ACSF2: variants seen among roughly 807,000 people sequenced by gnomAD.
ACSF2 encodes acyl-CoA synthetase family member 2.
ACSF2 carries 52 observed loss-of-function variants against 79.3 expected under a neutral mutation model. The ratio of observed to expected loss-of-function variants is 0.66; its 90% CI spans 0.53 to 0.83. ACSF2 has a LOEUF of 0.83. ACSF2 is among the 40% of genes least tolerant of loss of function. The pLI is 0.00. For missense variants in ACSF2, 661 were observed against 803.3 expected (o/e 0.82, Z 2.14); for synonymous variants, 283 against 312.6 (o/e 0.91, Z 1.00).
chr17:50,442,344 T>A (rs1002461647), intron 1 of ACSF2, among the ~76,000 whole-genome samples: 1 of 103,878 alleles, frequency 9.6e-6, no homozygotes, highest in Admixed American at 9.7e-5. Flanking sequence ...TTTTTTTTTT[T>A]GTAGAGACTG....
intron 1 of ACSF2, among the ~76,000 whole-genome samples, chr17:50,435,195 G>A (rs1375923182): frequency 6.6e-6 from 1 of 152,132 alleles, no homozygotes; most frequent in African/African-American, 2.4e-5. Flanking sequence ...TTGCTCAGAA[G>A]CCAAGGAGTG....
chr17:50,449,663 C>T lies in ACSF2; in HGVS notation c.129-11014C>T, dbSNP rs184593583. Reference sequence around the variant, plus strand: ...TCTCCTGACCTCATGATCCACCCGCCTCGGCCTCCCAAAGTGCTCGGATTA... The same window carrying T: ...TCTCCTGACCTCATGATCCACCCGCTTCGGCCTCCCAAAGTGCTCGGATTA... On this transcript the variant is annotated intron_variant, in intron 1 of 15. Coordinates refer to ENST00000300441, the MANE Select transcript of ACSF2 (RefSeq NM_025149.6). Among the ~76,000 whole-genome samples the T allele has an allele frequency of 3.1e-3, 471 of 152,074 alleles. 5 individuals carry two copies. Among genetic ancestry groups the T allele is most frequent in the Non-Finnish European group, 3.0e-3 (206 of 67,986 alleles).
At chr17:50,449,265 C>T (rs2031504709) in intron 1 of ACSF2, among the ~76,000 whole-genome samples, 1 of 151,996 alleles carries the variant, frequency 6.6e-6, no homozygotes, top group East Asian at 1.9e-4. Context: ...AATCTGCCTC[C>T]CTCGGCCTCC....
In ACSF2 at chr17:50,445,974, T is replaced by C. The variant is rs79427900; in HGVS notation, c.129-14703T>C. 2.7e-3 allele frequency among the ~76,000 whole-genome samples: 409 copies of C among 152,300 alleles called. 2 individuals carry two copies. The highest frequency in any genetic ancestry group is 9.6e-3 in the African/African-American group (397 of 41,558). ...CAGGTTGGCAGGGCTAACAGTCACA[T>C]TGTACCATGACTGTCCAGAAAACAC... On this transcript the variant is annotated intron_variant, in intron 1 of 15. Coordinates refer to ENST00000300441, the MANE Select transcript of ACSF2 (RefSeq NM_025149.6).
rs548069190 is a variant in ACSF2, at chr17:50,463,031, G to A, written c.793-125G>A. 6.3e-6 allele frequency: 5 copies of A among 798,238 alleles called. No homozygotes were observed. Among genetic ancestry groups the A allele is most frequent in the South Asian group, 4.9e-5 (3 of 61,174 alleles). 49.4% of individuals were successfully genotyped at this position (798,238 alleles called of 1,614,324 possible). On this transcript the variant is annotated intron_variant, in intron 6 of 15. Coordinates refer to ENST00000300441, the MANE Select transcript of ACSF2 (RefSeq NM_025149.6). The surrounding 1 kb of genome is among the most constrained non-coding windows in gnomAD (Gnocchi z 4.6). ...GTGGTAGACCTTTTGCAAATATACT[G>A]AACAGATGGATCTGGGGCAACAATC...
intron 1 of ACSF2, chr17:50,427,016 G>C: frequency 6.5e-7 from 1 of 1,532,834 alleles, no homozygotes; most frequent in Non-Finnish European, 8.7e-7. Flanking sequence ...ACCAGTCCTT[G>C]GGAGGACCCC....
chr17:50,462,390 C>G (rs770590610), intron 5 of ACSF2, 30 bp from the exon 6 acceptor site: 1 of 1,611,882 alleles, frequency 6.2e-7, no homozygotes. Context: ...TCCCTCAGCC[C>G]CTGTCTCTCA....
intron 1 of ACSF2, among the ~76,000 whole-genome samples, chr17:50,441,821 T>C (rs1372930020): frequency 6.6e-6 from 1 of 151,646 alleles, no homozygotes; most frequent in East Asian, 1.9e-4. Flanking sequence ...TGTGTCTTTA[T>C]TTATTTATTT....
chr17:50,460,993 C>T, intron 2 of ACSF2, 121 bp downstream of exon 2: 1 of 1,259,902 alleles, frequency 7.9e-7, no homozygotes, highest in Non-Finnish European at 1.1e-6. Context: ...TGCCAGAGAA[C>T]CCCGAGGGAT....
Position 50,474,219 on chromosome 17 carries a change from G to A in ACSF2, c.1749G>A (p.Pro583=), listed in dbSNP as rs1407971598. 22 of 1,614,190 alleles carry A rather than the reference G, an allele frequency of 1.4e-5. No homozygotes were observed. Among genetic ancestry groups the A allele is most frequent in the East Asian group, 4.5e-5 (2 of 44,870 alleles). The stretch of plus-strand genomic sequence containing the variant: ...TGCAGATCTCTCACTTCAAGATTCC[G>A]AAGTACATCGTGTTTGTCACAAACT... The part of the protein sequence containing the change: ...CKGKISHFKI[P]KYIVFVTNYP... Residue 583 remains proline, a synonymous_variant, in exon 15 of 16, where the codon CCG becomes CCA. Coordinates refer to ENST00000300441, the MANE Select transcript of ACSF2 (RefSeq NM_025149.6). The surrounding 1 kb of genome is among the most constrained non-coding windows in gnomAD (Gnocchi z 4.2).
intron 1 of ACSF2, among the ~76,000 whole-genome samples, chr17:50,456,067 G>A (rs913036657): frequency 6.6e-6 from 1 of 152,216 alleles, no homozygotes; most frequent in African/African-American, 2.4e-5. Flanking sequence ...GAAGATATAC[G>A]TGGTCTTCCC....
intron 10 of ACSF2, chr17:50,465,148 C>A: frequency 1.1e-6 from 1 of 886,776 alleles, no homozygotes; most frequent in Non-Finnish European, 1.7e-6. Flanking sequence ...CTCCCTTCAA[C>A]AGGGGACCCA....
At position 50,465,710 on chromosome 17, in the gene ACSF2, C is replaced by T. The variant is rs35218093; in HGVS notation, c.1215+1416C>T. 8 of 1,612,990 alleles carry T rather than the reference C, an allele frequency of 5.0e-6. No homozygotes were observed. In the East Asian group the frequency reaches 8.9e-5, roughly 18 times the overall value. ...AGTGACATGGAAGTGTTCTTACCGC[C>T]GAAGGCCCCGGAGCTGGCAGGTACA... On this transcript the variant is annotated intron_variant, in intron 10 of 15. Transcript: ENST00000300441.
At chr17:50,467,930 G>A in intron 10 of ACSF2, 1 of 1,162,592 alleles carries the variant, frequency 8.6e-7, no homozygotes, top group South Asian at 1.6e-5. Context: ...GAGATAGCCA[G>A]AGGGACAGGG....
At chr17:50,460,443 G>A (rs2032261077) in intron 1 of ACSF2, 1 of 565,112 alleles carries the variant, frequency 1.8e-6, no homozygotes, top group African/African-American at 1.9e-5. Flanking sequence ...GGCGAAGGAG[G>A]GCCCTTTGCT....
intron 10 of ACSF2, chr17:50,470,116 G>T (rs2033040057): frequency 6.5e-6 from 1 of 152,746 alleles, no homozygotes; most frequent in Non-Finnish European, 1.5e-5. Context: ...AGCTGATATG[G>T]GGGAAGCTTG....
At chr17:50,465,603 T>C in intron 10 of ACSF2, 1 of 1,493,362 alleles carries the variant, frequency 6.7e-7, no homozygotes, top group Non-Finnish European at 9.2e-7. Context: ...CCATGCTTAT[T>C]AGGTAGCAGA....
At chr17:50,464,051 G>C (rs2032523321) in intron 9 of ACSF2, 142 bp downstream of exon 9, 1 of 1,028,046 alleles carries the variant, frequency 9.7e-7, no homozygotes, top group Non-Finnish European at 1.5e-6. Context: ...GAGGGAGGGA[G>C]ATCCCCAGTG....
intron 10 of ACSF2, chr17:50,468,783 C>G: frequency 4.5e-6 from 7 of 1,566,894 alleles, no homozygotes; most frequent in South Asian, 3.4e-5. Flanking sequence ...GCCAGGAGGC[C>G]GAGGCTGAGC....
Sources: gnomAD v4.1 joint callset for allele counts (sites outside exome capture counted in the v4.1 genomes callset) on GRCh38, gnomAD v4.1.1 for gene constraint, Gnocchi (gnomAD v3.1) non-coding constraint, MANE v1.5 for transcripts, NCBI Gene and HGNC (gene_info 2026-07-23, HGNC 2026-07-21) for gene names.